The following COL14A1 variants were observed in gnomAD, a reference collection of about 807,000 sequenced individuals.
COL14A1 encodes collagen type XIV alpha 1 chain, also known as collagen alpha-1(XIV) chain.
Under a neutral mutation model 230.3 loss-of-function variants are expected in COL14A1, and 136 were observed. The observed-to-expected ratio is 0.59, with a 90% CI of 0.51 to 0.68. COL14A1 has a LOEUF of 0.68. COL14A1 is among the 30% of genes least tolerant of loss of function. The probability of loss-of-function intolerance (pLI) is 0.00; values close to 1 mark genes in which losing one functional copy is unlikely to be tolerated. For missense variants in COL14A1, 1,976 were observed against 2,215.8 expected, an observed-to-expected ratio of 0.89 and a Z score of 2.17; for synonymous variants, 792 against 784.1, an observed-to-expected ratio of 1.01 and a Z score of -0.17.
At chr8:120,193,941 G>A (rs1331597134) in intron 5 of COL14A1, among the ~76,000 whole-genome samples, 1 of 152,158 alleles carries the variant, frequency 6.6e-6, no homozygotes, top group Non-Finnish European at 1.5e-5. Flanking sequence ...GGTTTTCCAG[G>A]TGCCATCTGT....
chr8:120,248,274 G>T (rs964491291), intron 21 of COL14A1, among the ~76,000 whole-genome samples: 1 of 151,862 alleles, frequency 6.6e-6, no homozygotes, highest in African/African-American at 2.4e-5. Flanking sequence ...TCCATAAGAG[G>T]ATCCCTCTCG....
chr8:120,369,265 G>A (rs2130399678), intron 46 of COL14A1, 65 bp from the exon 47 acceptor site: 2 of 1,430,966 alleles, frequency 1.4e-6, no homozygotes, highest in East Asian at 2.5e-5. Context: ...TTACTTCTTG[G>A]TTGTCTCAAA....
chr8:120,227,220 G>T lies in COL14A1; in HGVS notation c.2005G>T (p.Val669Phe). 1 of 1,613,124 alleles carries T rather than the reference G, an allele frequency of 6.2e-7. No individual in the cohort carries two copies. Among genetic ancestry groups the T allele is most frequent in the East Asian group, 2.2e-5 (1 of 44,842 alleles). Residue 669 changes from valine (V) to phenylalanine (F), a missense_variant and splice_region_variant, in exon 17 of 48, where the codon GTT (valine) becomes TTT (phenylalanine). Val to Phe is a conservative substitution (Grantham distance 50, BLOSUM62 -1). This residue lies in a region of COL14A1 where 1,791 missense variants were observed against 2,019.5 expected (regional missense o/e 0.89). Transcript: ENST00000297848. ...IPVYGGKTEE[V>F]VLKEEQDSHV... is the part of the protein sequence containing the mutation. ...TACTAAGCACCAAAATATATTTCAG[G>T]TTGTCCTGAAAGAAGAGCAGGACTC...
At chr8:120,240,327 G>C (rs1469260048) in intron 19 of COL14A1, among the ~76,000 whole-genome samples, 2 of 152,032 alleles carry the variant, frequency 1.3e-5, no homozygotes, top group Non-Finnish European at 2.9e-5. Context: ...ACTCACCTGA[G>C]GGTTCTTTGA....
At position 120,227,330 on chromosome 8, in the gene COL14A1, G is replaced by A; in HGVS notation, c.2115G>A (p.Val705=). Residue 705 remains valine, a synonymous_variant, in exon 17 of 48, where the codon GTG becomes GTA. Transcript: ENST00000297848. The part of the protein sequence containing the change: ...AVLDDGSESE[V]VTAVGTTLDS... ...TTGATGATGGAAGCGAGAGTGAGGT[G>A]GTGACTGCTGTCGGGACCACACGTA... 1.9e-6 allele frequency: 3 copies of A among 1,613,784 alleles called. No homozygotes were observed. The highest frequency in any genetic ancestry group is 2.5e-6 in the Non-Finnish European group (3 of 1,179,982).
rs1179345077 is a variant in COL14A1, at chr8:120,281,079, T to A, written c.3824+20T>A. On this transcript the variant is annotated intron_variant, in intron 31 of 47. Coordinates refer to ENST00000297848, the MANE Select transcript of COL14A1 (RefSeq NM_021110.4). ...AACCAGGTATGTTTCTGTTGAAAGA[T>A]TTTAAAGTCATCGTATGTTTATTAT... is the stretch of plus-strand genomic sequence containing the variant. The A allele has an allele frequency of 8.1e-6, 13 of 1,595,092 alleles. No homozygotes were observed. The highest frequency in any genetic ancestry group is 9.4e-6 in the Non-Finnish European group (11 of 1,173,318).
chr8:120,230,686 T>C (rs991190581), intron 18 of COL14A1, among the ~76,000 whole-genome samples: 8 of 152,168 alleles, frequency 5.3e-5, no homozygotes, highest in Non-Finnish European at 1.0e-4. Context: ...ACTATTTTTG[T>C]TGAGTTAATA....
At chr8:120,139,435 T>G (rs145496508) in intron 1 of COL14A1, among the ~76,000 whole-genome samples, 8 of 152,260 alleles carry the variant, frequency 5.3e-5, no homozygotes, top group Non-Finnish European at 1.0e-4. Flanking sequence ...AGAAATGTAT[T>G]TTGAAAAGTC....
rs572281119 is a variant in COL14A1, at chr8:120,282,944, T to C, written c.3825-692T>C. Among the ~76,000 whole-genome samples the C allele has an allele frequency of 7.2e-5, 11 of 152,074 alleles. No individual in the cohort carries two copies. In the East Asian group the frequency reaches 9.7e-4, roughly 13 times the overall value. On this transcript the variant is annotated intron_variant, in intron 31 of 47. Transcript: ENST00000297848. Reference sequence around the variant, plus strand: ...CACCCACCCAGAAGAGTTCTGAAAATGGTATGGCCCCTCAGATCTGTCTCC... The same window carrying C: ...CACCCACCCAGAAGAGTTCTGAAAACGGTATGGCCCCTCAGATCTGTCTCC...
chr8:120,135,734 C>A (rs937369512), intron 1 of COL14A1, among the ~76,000 whole-genome samples: 1 of 151,144 alleles, frequency 6.6e-6, no homozygotes, highest in Non-Finnish European at 1.5e-5. Flanking sequence ...TTTTTTTAAC[C>A]CATGAACATG....
chr8:120,152,409 G>T (rs1275239146), intron 2 of COL14A1, among the ~76,000 whole-genome samples: 1 of 138,134 alleles, frequency 7.2e-6, no homozygotes, highest in African/African-American at 2.7e-5. Flanking sequence ...GGCGGAGCTT[G>T]CAGTGAGCCG....
chr8:120,144,424 C>G (rs1815019087), intron 1 of COL14A1, among the ~76,000 whole-genome samples: 1 of 152,036 alleles, frequency 6.6e-6, no homozygotes, highest in Non-Finnish European at 1.5e-5. Context: ...AATATGTTAA[C>G]TACACTGAGA....
At chr8:120,300,067 C>T (rs1735101632) in intron 35 of COL14A1, among the ~76,000 whole-genome samples, 3 of 152,068 alleles carry the variant, frequency 2.0e-5, no homozygotes. Flanking sequence ...CTCTGCATTC[C>T]AGTAACTCAT....
intron 44 of COL14A1, 107 bp from the exon 45 acceptor site, chr8:120,345,268 G>A (rs752902031): frequency 9.1e-6 from 9 of 989,112 alleles, no homozygotes; most frequent in Non-Finnish European, 1.3e-5. Context: ...TTTTCCCTTG[G>A]TGGGTATCTA....
intron 36 of COL14A1, among the ~76,000 whole-genome samples, chr8:120,308,448 A>G (rs1243926727): frequency 6.6e-6 from 1 of 152,264 alleles, no homozygotes; most frequent in African/African-American, 2.4e-5. Flanking sequence ...TCACTAAAGC[A>G]TATTAAGTTG....
intron 14 of COL14A1, among the ~76,000 whole-genome samples, chr8:120,222,068 G>A (rs949100997): frequency 6.6e-6 from 1 of 152,168 alleles, no homozygotes; most frequent in African/African-American, 2.4e-5. Context: ...AGGATTTAGA[G>A]CCTGAAACAC....
chr8:120,341,459 A>T, intron 43 of COL14A1, 99 bp downstream of exon 43: 1 of 1,235,964 alleles, frequency 8.1e-7, no homozygotes, highest in Non-Finnish European at 1.2e-6. Flanking sequence ...ATTAATATTC[A>T]TTGCAATTGT....
At chr8:120,167,183 A>G (rs559650452) in intron 4 of COL14A1, among the ~76,000 whole-genome samples, 102 of 152,236 alleles carry the variant, frequency 6.7e-4, no homozygotes, top group African/African-American at 2.3e-3. Context: ...CAGATCTCAA[A>G]CCATTTCAGC....
intron 12 of COL14A1, among the ~76,000 whole-genome samples, chr8:120,212,025 G>A (rs1022044901): frequency 2.0e-5 from 3 of 152,190 alleles, no homozygotes; most frequent in African/African-American, 2.4e-5. Context: ...CTGGGCATCT[G>A]GCCAGAGCAC....
Sources: gnomAD v4.1 joint callset for allele counts (sites outside exome capture counted in the v4.1 genomes callset) on GRCh38, gnomAD v4.1.1 for gene constraint, gnomAD v4.1.1 regional missense constraint, MANE v1.5 for transcripts, NCBI Gene and HGNC (gene_info 2026-07-23, HGNC 2026-07-21) for gene names.